Variants in ALDH3A1 observed in about 807,000 individuals in gnomAD.
ALDH3A1 encodes aldehyde dehydrogenase 3 family member A1, also known as aldehyde dehydrogenase, dimeric NADP-preferring.
A neutral mutation model predicts 49.9 loss-of-function variants in ALDH3A1; 46 were observed. The ratio of observed to expected loss-of-function variants is 0.92; its 90% confidence interval spans 0.73 to 1.18. ALDH3A1 has a LOEUF of 1.18. Among genes scored for constraint, ALDH3A1 ranks in the 50% most tolerant of loss-of-function variants. The pLI, the probability that ALDH3A1 is intolerant of heterozygous loss-of-function variation, is 0.00. For synonymous variants in ALDH3A1, 269 were observed against 253.3 expected, an observed-to-expected ratio of 1.06 and a Z score of -0.59; for missense variants, 592 against 611.8, an observed-to-expected ratio of 0.97 and a Z score of 0.34.
intron 8 of ALDH3A1, 36 bp from the exon 9 acceptor site, chr17:19,739,131 GC>G: frequency 6.3e-7 from 1 of 1,586,498 alleles, no homozygotes. Context: ...TCAGTCTCCT[GC>G]CCACAGGATG....
At position 19,743,531 on chromosome 17, in the gene ALDH3A1, C is replaced by A; in HGVS notation, c.163-68G>T. 1 of 1,521,424 alleles carries A rather than the reference C, an allele frequency of 6.6e-7. No homozygotes were observed. Among genetic ancestry groups the A allele is most frequent in the Non-Finnish European group, 8.8e-7 (1 of 1,135,800 alleles). 94.2% of individuals were successfully genotyped at this position (1,521,424 alleles called of 1,614,324 possible). A position where few individuals can be genotyped will look rare whatever the true frequency, so the allele number is the denominator to read the frequency against. ...GCCTGCAGCTGGGGCGAGTGGGGAG[C>A]CCCACTGCTCAGCTGCCAGGGTGAT... On this transcript the variant is annotated intron_variant, in intron 2 of 10. Coordinates refer to ENST00000225740, the MANE Select transcript of ALDH3A1 (RefSeq NM_000691.5). This position sits in a 1 kb window ranked among gnomAD's most constrained non-coding sequence, Gnocchi z 4.4.
At chr17:19,740,290 C>T in intron 7 of ALDH3A1, 46 bp downstream of exon 7, 1 of 1,600,510 alleles carries the variant, frequency 6.2e-7, no homozygotes, top group Non-Finnish European at 8.5e-7. Flanking sequence ...TGCTGGGGAC[C>T]CCTGCAGCCT....
Position 19,740,233 on chromosome 17 carries a change from G to A in ALDH3A1, c.949+103C>T, listed in dbSNP as rs542453997. 111 of 1,505,976 alleles carry A rather than the reference G, an allele frequency of 7.4e-5. No individual in the cohort carries two copies. The South Asian group carries it at 1.0e-3, about 14-fold the overall frequency. The allele number at this position is 1,505,976 out of a possible 1,614,324, so 93.3% of individuals were successfully genotyped here. A position where few individuals can be genotyped will look rare whatever the true frequency, so the allele number is the denominator to read the frequency against. ...GGTGAAAGCAATTTATACCCATCCCGAGGTCGTGTCCGCTTATCAAGCATC... is the reference window on the plus strand; with the variant it reads ...GGTGAAAGCAATTTATACCCATCCCAAGGTCGTGTCCGCTTATCAAGCATC... On this transcript the variant is annotated intron_variant, in intron 7 of 10. Transcript: ENST00000225740.
chr17:19,745,207 A>G (rs999268048), intron 1 of ALDH3A1, 73 bp from the exon 2 acceptor site: 36 of 1,437,648 alleles, frequency 2.5e-5, no homozygotes, highest in Middle Eastern at 3.6e-4. Flanking sequence ...CCTGAATTCT[A>G]TAGGAAGGGA....
In ALDH3A1 at chr17:19,742,554, G is replaced by C; in HGVS notation, c.471C>G (p.Tyr157Ter). The change falls in exon 4 of 11, where the codon TAC (tyrosine) becomes TAG (stop). Residue 157 changes from tyrosine to a stop codon, truncating the protein, a stop_gained. Transcript: ENST00000225740. LOFTEE classifies it high-confidence loss of function. The part of the protein sequence containing the change: ...ASLLATIIPQ[Y>*]LDKDLYPVIN... ...CTGGAGGGCAACTCACCTTGTCCAG[G>C]TACTGGGGGATGATGGTAGCCAGCA... 1 of 1,613,610 alleles carries C rather than the reference G, an allele frequency of 6.2e-7. No individual in the cohort carries two copies. Among genetic ancestry groups the C allele is most frequent in the Non-Finnish European group, 8.5e-7 (1 of 1,179,732 alleles).
chr17:19,746,692 T>C (rs560832752), intron 1 of ALDH3A1, among the ~76,000 whole-genome samples: 9 of 146,898 alleles, frequency 6.1e-5, no homozygotes, highest in East Asian at 2.0e-4. Context: ...TGCGTGTGTG[T>C]GTGCGTGCGT....
In ALDH3A1 at chr17:19,745,130, G is replaced by A; in HGVS notation, c.-1C>T. 6.4e-7 allele frequency: 1 copy of A among 1,573,288 alleles called. No individual in the cohort carries two copies. The highest frequency in any genetic ancestry group is 8.6e-7 in the Non-Finnish European group (1 of 1,166,156). ...TCACGGCCTCGCTGATCTTGCTCAT[G>A]GCGCCTGGGGACAGAGAGCACCTGC... On this transcript the variant is annotated 5_prime_UTR_variant, in exon 2 of 11. Transcript: ENST00000225740.
At chr17:19,746,424 G>C (rs1597677531) in intron 1 of ALDH3A1, among the ~76,000 whole-genome samples, 1 of 152,264 alleles carries the variant, frequency 6.6e-6, no homozygotes, top group East Asian at 1.9e-4. Flanking sequence ...TTAGTGGTAG[G>C]AGGTAAGGCA....
intron 1 of ALDH3A1, among the ~76,000 whole-genome samples, chr17:19,747,639 C>T (rs1336863956): frequency 6.6e-6 from 1 of 152,160 alleles, no homozygotes; most frequent in Non-Finnish European, 1.5e-5. Context: ...CACGTCGCAG[C>T]TGCACCCAAA....
At chr17:19,745,192 C>T in intron 1 of ALDH3A1, 58 bp from the exon 2 acceptor site, 1 of 1,492,768 alleles carries the variant, frequency 6.7e-7, no homozygotes, top group Non-Finnish European at 8.9e-7. Context: ...CTGCCTCCCA[C>T]CCTGCCTGAA....
At chr17:19,741,024 G>C (rs2086481374) in intron 6 of ALDH3A1, 69 bp downstream of exon 6, 4 of 1,192,278 alleles carry the variant, frequency 3.4e-6, no homozygotes, top group Non-Finnish European at 5.0e-6. Flanking sequence ...GTAGAAGTTG[G>C]TTAAGGGGCC....
intron 8 of ALDH3A1, 62 bp from the exon 9 acceptor site, chr17:19,739,157 C>G: frequency 6.8e-7 from 1 of 1,464,616 alleles, no homozygotes; most frequent in Non-Finnish European, 9.4e-7. Flanking sequence ...AGCCCCCAAC[C>G]CGACCCTGCC....
Position 19,743,090 on chromosome 17 carries a change from T to A in ALDH3A1, c.394+142A>T. The A allele has an allele frequency of 6.5e-7, 1 of 1,535,620 alleles. No individual in the cohort carries two copies. The highest frequency in any genetic ancestry group is 1.4e-5 in the African/African-American group (1 of 73,148). On this transcript the variant is annotated intron_variant, in intron 3 of 10. Transcript: ENST00000225740. This position sits in a 1 kb window ranked among gnomAD's most constrained non-coding sequence, Gnocchi z 4.4. ...CACCAAGAGGCCTGGCTAAACAGCT[T>A]GGTCCCCACAGCCTCCTGTGACAGA... is the stretch of plus-strand genomic sequence containing the variant.
At chr17:19,746,451 C>G (rs942357604) in intron 1 of ALDH3A1, among the ~76,000 whole-genome samples, 11 of 151,900 alleles carry the variant, frequency 7.2e-5, no homozygotes, top group African/African-American at 2.4e-4. Context: ...GTGAGATTTG[C>G]TAGAAGTCAA....
chr17:19,742,968 T>C, intron 3 of ALDH3A1: 1 of 1,526,462 alleles, frequency 6.6e-7, no homozygotes. Context: ...TGATGCATAT[T>C]AGGTGACAGA....
chr17:19,742,989 C>A (rs769105899), intron 3 of ALDH3A1: 4 of 1,530,042 alleles, frequency 2.6e-6, no homozygotes, highest in Admixed American at 2.0e-5. Context: ...AGCTCCAGCC[C>A]CCCAACAGGG....
chr17:19,746,653 GCA>G lies in ALDH3A1; in HGVS notation c.-5-1521_-5-1520del, dbSNP rs1396579212. Among the ~76,000 whole-genome samples, 1,467 of 148,902 alleles carry G rather than the reference GCA, an allele frequency of 9.9e-3. 24 individuals carry two copies. The highest frequency in any genetic ancestry group is 0.033 in the African/African-American group (1,326 of 40,264). ...TGTGTGTGTGCGTGTGCGTGTGTGTGCATGTGTGTGTGTGCGTGTGTGTGCAT... is the reference window on the plus strand; with the variant it reads ...TGTGTGTGTGCGTGTGCGTGTGTGTGTGTGTGTGTGTGCGTGTGTGTGCAT... On this transcript the variant is annotated intron_variant, in intron 1 of 10. Coordinates refer to ENST00000225740, the MANE Select transcript of ALDH3A1 (RefSeq NM_000691.5).
At chr17:19,742,479 C>A (rs1458523043) in intron 4 of ALDH3A1, 66 bp downstream of exon 4, 2 of 1,536,324 alleles carry the variant, frequency 1.3e-6, no homozygotes, top group Admixed American at 1.8e-5. Context: ...TTTCTCACCC[C>A]CCAAAGACCT....
At position 19,742,798 on chromosome 17, in the gene ALDH3A1, C is replaced by T. The variant is rs7216299; in HGVS notation, c.395-168G>A. ...CACGGGGCACACCCAGGAGCACGCA[C>T]GGGCACATGACAGAGGGACACACAC... On this transcript the variant is annotated intron_variant, in intron 3 of 10. Coordinates refer to ENST00000225740, the MANE Select transcript of ALDH3A1 (RefSeq NM_000691.5). The T allele has an allele frequency of 9.7e-4, 1,486 of 1,535,204 alleles. 10 individuals are homozygous for T. The African/African-American group carries it at 0.013, about 14-fold the overall frequency.
Sources: allele counts gnomAD v4.1 joint callset (sites outside exome capture counted in the v4.1 genomes callset), GRCh38; gene constraint gnomAD v4.1.1; non-coding constraint Gnocchi (gnomAD v3.1); transcripts MANE v1.5; gene names NCBI Gene and HGNC (gene_info 2026-07-23, HGNC 2026-07-21).